The following ITGA9 variants were observed in gnomAD, a reference collection of about 807,000 sequenced individuals.
ITGA9 encodes integrin alpha-9.
ITGA9 carries 56 observed loss-of-function variants against 127.8 expected under a neutral mutation model. The observed-to-expected ratio is 0.44, with a 90% CI of 0.35 to 0.55. The LOEUF (loss-of-function observed/expected upper bound fraction) is 0.55. ITGA9 is among the 20% of genes least tolerant of loss of function. The probability of loss-of-function intolerance (pLI) is 0.00; values close to 1 mark genes in which losing one functional copy is unlikely to be tolerated. For synonymous variants in ITGA9, 508 were observed against 514.5 expected, an observed-to-expected ratio of 0.99 and a Z score of 0.17; for missense variants, 1,196 against 1,347.1, an observed-to-expected ratio of 0.89 and a Z score of 1.76.
At chr3:37,516,148 A>G (rs761211094) in intron 9 of ITGA9, among the ~76,000 whole-genome samples, 6 of 152,194 alleles carry the variant, frequency 3.9e-5, no homozygotes, top group Admixed American at 6.5e-5. Context: ...TTGAAGCACA[A>G]GAACTCCCCC....
chr3:37,566,319 G>A (rs1404552257), intron 15 of ITGA9, among the ~76,000 whole-genome samples: 1 of 152,120 alleles, frequency 6.6e-6, no homozygotes, highest in Non-Finnish European at 1.5e-5. Flanking sequence ...GGACAAAGGT[G>A]TGATTCCCAT....
At chr3:37,586,877 T>C (rs1390981752) in intron 15 of ITGA9, among the ~76,000 whole-genome samples, 3 of 152,224 alleles carry the variant, frequency 2.0e-5, no homozygotes, top group Admixed American at 6.5e-5. Context: ...GACATTTAGC[T>C]CCTTTTCTTC....
Position 37,683,873 on chromosome 3 carries a change from A to G in ITGA9, c.1925A>G (p.Glu642Gly), listed in dbSNP as rs1700756502. 6.2e-7 allele frequency: 1 copy of G among 1,613,938 alleles called. No homozygotes were observed. Among genetic ancestry groups the G allele is most frequent in the Admixed American group, 1.7e-5 (1 of 60,002 alleles). ...TCTATTTTTCGTTACAGTATGGATG[A>G]GAAAACCCTGTATCTAGCTTTGGGG... ...QGKLLLSSMD[E>G]KTLYLALGAV... Residue 642 changes from glutamate (E) to glycine (G), a missense_variant, in exon 18 of 28, where the codon GAG becomes GGG. Physicochemically the swap from Glu to Gly is moderately conservative, Grantham distance 98. Coordinates refer to ENST00000264741, the MANE Select transcript of ITGA9 (RefSeq NM_002207.3).
intron 18 of ITGA9, among the ~76,000 whole-genome samples, chr3:37,720,866 C>T (rs1396772577): frequency 2.6e-5 from 4 of 152,112 alleles, no homozygotes; most frequent in Non-Finnish European, 4.4e-5. Context: ...CAGAGGGACA[C>T]GTTAGGAACG....
At chr3:37,567,954 G>A (rs1699563785) in intron 15 of ITGA9, among the ~76,000 whole-genome samples, 1 of 152,160 alleles carries the variant, frequency 6.6e-6, no homozygotes, top group Non-Finnish European at 1.5e-5. Flanking sequence ...GGAGGATGGG[G>A]GCCGTCTTCT....
intron 5 of ITGA9, among the ~76,000 whole-genome samples, chr3:37,497,128 G>T (rs1020501352): frequency 2.0e-5 from 3 of 152,086 alleles, no homozygotes; most frequent in African/African-American, 7.2e-5. Flanking sequence ...GCCTGTTTAT[G>T]TTCTCAGTAC....
At chr3:37,615,904 C>A (rs1320330766) in intron 15 of ITGA9, among the ~76,000 whole-genome samples, 1 of 151,840 alleles carries the variant, frequency 6.6e-6, no homozygotes, top group Non-Finnish European at 1.5e-5. Context: ...TTGATCTTTT[C>A]AAAAAAACAG....
At chr3:37,720,524 G>A (rs1158028876) in intron 18 of ITGA9, among the ~76,000 whole-genome samples, 4 of 152,084 alleles carry the variant, frequency 2.6e-5, no homozygotes, top group African/African-American at 9.7e-5. Context: ...TGCAGCCTCC[G>A]AGGAAATTTT....
chr3:37,469,942 C>A (rs1451032417), intron 1 of ITGA9, among the ~76,000 whole-genome samples: 1 of 151,970 alleles, frequency 6.6e-6, no homozygotes, highest in Non-Finnish European at 1.5e-5. Context: ...ATTACAGGCA[C>A]CTGCCACCAT....
chr3:37,819,047 T>A lies in ITGA9; in HGVS notation c.*58T>A. The A allele has an allele frequency of 2.4e-6, 3 of 1,264,786 alleles. No individual in the cohort carries two copies. Among genetic ancestry groups the A allele is most frequent in the Non-Finnish European group, 3.5e-6 (3 of 863,444 alleles). The allele number at this position is 1,264,786 out of a possible 1,614,324, so 78.3% of individuals were successfully genotyped here. A position where few individuals can be genotyped will look rare whatever the true frequency, so the allele number is the denominator to read the frequency against. On this transcript the variant is annotated 3_prime_UTR_variant, in exon 28 of 28. Coordinates refer to ENST00000264741, the MANE Select transcript of ITGA9 (RefSeq NM_002207.3). ...GCCTGTCATCCTTGGTCTTTGTATCTTCCATATTTGGAAGAAAAAAATCTT... is the reference window on the plus strand; with the variant it reads ...GCCTGTCATCCTTGGTCTTTGTATCATCCATATTTGGAAGAAAAAAATCTT...
At chr3:37,732,825 T>G in intron 19 of ITGA9, 27 bp downstream of exon 19, 1 of 1,534,514 alleles carries the variant, frequency 6.5e-7, no homozygotes, top group African/African-American at 1.4e-5. Context: ...GGACCCTTCC[T>G]CAGCAGCAGG....
chr3:37,813,643 T>C (rs928132858), intron 27 of ITGA9, among the ~76,000 whole-genome samples: 8 of 152,236 alleles, frequency 5.3e-5, no homozygotes, highest in Non-Finnish European at 8.8e-5. Flanking sequence ...CAAATTACTT[T>C]CGGTGACTTG....
At chr3:37,531,097 G>A (rs1699147511) in intron 13 of ITGA9, among the ~76,000 whole-genome samples, 3 of 151,120 alleles carry the variant, frequency 2.0e-5, no homozygotes, top group African/African-American at 4.9e-5. Flanking sequence ...CGCTTGTGGT[G>A]CTGTCCTTGG....
intron 15 of ITGA9, among the ~76,000 whole-genome samples, chr3:37,584,856 C>A (rs1250338060): frequency 6.6e-6 from 1 of 152,078 alleles, no homozygotes; most frequent in Admixed American, 6.5e-5. Context: ...GTATCTAGCC[C>A]TTAGTGGCTA....
At chr3:37,513,943 G>A in intron 9 of ITGA9, 43 bp downstream of exon 9, 1 of 1,611,324 alleles carries the variant, frequency 6.2e-7, no homozygotes, top group South Asian at 1.1e-5. Flanking sequence ...TGTGGGGGAG[G>A]GACATTTGTC....
At chr3:37,715,786 A>G (rs1435633785) in intron 18 of ITGA9, among the ~76,000 whole-genome samples, 1 of 152,218 alleles carries the variant, frequency 6.6e-6, no homozygotes, top group South Asian at 2.1e-4. Flanking sequence ...AGAGTCTGAA[A>G]TGTTTACACT....
intron 15 of ITGA9, among the ~76,000 whole-genome samples, chr3:37,543,363 A>G (rs1433531455): frequency 6.6e-6 from 1 of 152,172 alleles, no homozygotes; most frequent in Non-Finnish European, 1.5e-5. Context: ...TTGGAGACAC[A>G]TAGATCCAGT....
intron 3 of ITGA9, among the ~76,000 whole-genome samples, chr3:37,477,472 G>C (rs1698505612): frequency 6.6e-6 from 1 of 152,218 alleles, no homozygotes; most frequent in African/African-American, 2.4e-5. Flanking sequence ...TGGTCTGGCA[G>C]GTTGACCTTG....
chr3:37,672,905 T>G (rs1304696803), intron 17 of ITGA9, among the ~76,000 whole-genome samples: 1 of 149,768 alleles, frequency 6.7e-6, no homozygotes, highest in Non-Finnish European at 1.5e-5. Flanking sequence ...TCTTGGTGAT[T>G]TTTTTTTTTA....
Sources: allele counts gnomAD v4.1 joint callset (sites outside exome capture counted in the v4.1 genomes callset), GRCh38; gene constraint gnomAD v4.1.1; transcripts MANE v1.5; gene names NCBI Gene and HGNC (gene_info 2026-07-23, HGNC 2026-07-21).